Variants in FAM91A1 observed in about 807,000 individuals in gnomAD.
FAM91A1 encodes family with sequence similarity 91 member A1, also known as protein FAM91A1.
Under a neutral mutation model 113.5 loss-of-function variants are expected in FAM91A1, and 41 were observed. The ratio of observed to expected loss-of-function variants is 0.36; its 90% CI spans 0.28 to 0.47. The LOEUF (loss-of-function observed/expected upper bound fraction) is 0.47. FAM91A1 is among the 20% of genes least tolerant of loss of function. FAM91A1 has a pLI of 1.00. For missense variants in FAM91A1, 696 were observed against 1,001.2 expected (o/e 0.70, Z 4.11); for synonymous variants, 307 against 347.9 (o/e 0.88, Z 1.31).
At chr8:123,791,634 A>G (rs1042028466) in intron 15 of FAM91A1, among the ~76,000 whole-genome samples, 3 of 152,144 alleles carry the variant, frequency 2.0e-5, no homozygotes, top group African/African-American at 7.2e-5. Context: ...ATGAAATTTC[A>G]TTTTTGCTAC....
At chr8:123,803,649 A>C (rs895494554) in intron 18 of FAM91A1, among the ~76,000 whole-genome samples, 1 of 152,216 alleles carries the variant, frequency 6.6e-6, no homozygotes, top group South Asian at 2.1e-4. Flanking sequence ...TGCTTTTGCT[A>C]AAGAAAAATG....
chr8:123,798,970 A>C (rs558194771), intron 16 of FAM91A1, among the ~76,000 whole-genome samples: 2 of 152,318 alleles, frequency 1.3e-5, no homozygotes, highest in Non-Finnish European at 2.9e-5. Flanking sequence ...TTCTCTGTGC[A>C]CACCACCGAA....
intron 6 of FAM91A1, among the ~76,000 whole-genome samples, 154 bp downstream of exon 6, chr8:123,778,926 A>G (rs539904858): frequency 1.4e-4 from 22 of 152,316 alleles, no homozygotes; most frequent in African/African-American, 5.3e-4. Flanking sequence ...GTAGACTAGA[A>G]TATTGGTGAG....
chr8:123,780,376 CA>C (rs1815089285), intron 7 of FAM91A1, 103 bp from the exon 8 acceptor site: 16 of 872,130 alleles, frequency 1.8e-5, no homozygotes, highest in African/African-American at 1.7e-4. Context: ...CGTCACATAG[CA>C]TTCATTTGTA....
At position 123,808,948 on chromosome 8, in the gene FAM91A1, G is replaced by C. The variant is rs778573586; in HGVS notation, c.2193G>C (p.Leu731=). The C allele has an allele frequency of 3.1e-6, 5 of 1,612,830 alleles. No homozygotes were observed. Among genetic ancestry groups the C allele is most frequent in the Admixed American group, 1.7e-5 (1 of 59,968 alleles). The part of the protein sequence containing the change: ...VPLELCFGIP[L]FSSELNRKVC... ...TCGAGCTGTGCTTTGGAATTCCACTGTTCAGTTCCGAATTAAACCGGAAAG... is the reference window on the plus strand; with the variant it reads ...TCGAGCTGTGCTTTGGAATTCCACTCTTCAGTTCCGAATTAAACCGGAAAG... The change falls in exon 22 of 24, where the codon CTG becomes CTC. Residue 731 remains leucine, a synonymous_variant. Coordinates refer to ENST00000334705, the MANE Select transcript of FAM91A1 (RefSeq NM_144963.4).
rs963676871 is a variant in FAM91A1, at chr8:123,813,958, G to A, written c.*1254G>A. On this transcript the variant is annotated 3_prime_UTR_variant, in exon 24 of 24. Transcript: ENST00000334705. ...GGAATGTTATAACCTAAACGTTTTT[G>A]CTGGTAACTTTTTGTTATTTATAGA... The A allele has an allele frequency of 3.6e-5, 8 of 224,282 alleles. No individual in the cohort carries two copies. Among genetic ancestry groups the A allele is most frequent in the Non-Finnish European group, 7.1e-5 (8 of 112,684 alleles). 13.9% of individuals were successfully genotyped at this position (224,282 alleles called of 1,614,324 possible). A position where few individuals can be genotyped will look rare whatever the true frequency, so the allele number is the denominator to read the frequency against.
chr8:123,787,494 G>A (rs1815287871), intron 13 of FAM91A1, 121 bp downstream of exon 13: 6 of 1,001,208 alleles, frequency 6.0e-6, no homozygotes, highest in Non-Finnish European at 8.8e-6. Context: ...AACTGACTTA[G>A]AGGAGTATAA....
At position 123,813,189 on chromosome 8, in the gene FAM91A1, G is replaced by A. The variant is rs942430015; in HGVS notation, c.*485G>A. On this transcript the variant is annotated 3_prime_UTR_variant, in exon 24 of 24. Coordinates refer to ENST00000334705, the MANE Select transcript of FAM91A1 (RefSeq NM_144963.4). ...AAACAATAAACATCCAGTATTGAGAGATGATATGATAGGGCATTATGAATT... is the reference window on the plus strand; with the variant it reads ...AAACAATAAACATCCAGTATTGAGAAATGATATGATAGGGCATTATGAATT... 1 of 152,704 alleles carries A rather than the reference G, an allele frequency of 6.5e-6. No homozygotes were observed. Among genetic ancestry groups the A allele is most frequent in the African/African-American group, 2.4e-5 (1 of 41,450 alleles). The allele number at this position is 152,704 out of a possible 1,614,324, so 9.5% of individuals were successfully genotyped here. A position where few individuals can be genotyped will look rare whatever the true frequency, so the allele number is the denominator to read the frequency against.
chr8:123,785,850 C>A, intron 11 of FAM91A1, 109 bp downstream of exon 11: 1 of 662,464 alleles, frequency 1.5e-6, no homozygotes, highest in Non-Finnish European at 2.4e-6. Context: ...CAAAGTCTCT[C>A]TCTGTCATCC....
intron 1 of FAM91A1, among the ~76,000 whole-genome samples, chr8:123,770,404 A>G (rs1814812031): frequency 6.6e-6 from 1 of 152,254 alleles, no homozygotes; most frequent in Non-Finnish European, 1.5e-5. Flanking sequence ...GATAAATTTA[A>G]AGAACTTGAA....
intron 18 of FAM91A1, among the ~76,000 whole-genome samples, chr8:123,801,444 G>A (rs1350486618): frequency 6.6e-6 from 1 of 152,214 alleles, no homozygotes; most frequent in Non-Finnish European, 1.5e-5. Flanking sequence ...CGTGTCAAAT[G>A]TGTAGCACAC....
chr8:123,807,480 C>CAAAA lies in FAM91A1; in HGVS notation c.2033-773_2033-770dup, dbSNP rs546080328. ...GCAATAGAGCAAGACCCTGTCTCTA[C>CAAAA]AAAAAAAAAAAAAAAAAAAAAAGAA... On this transcript the variant is annotated intron_variant, in intron 20 of 23. Coordinates refer to ENST00000334705, the MANE Select transcript of FAM91A1 (RefSeq NM_144963.4). 2.7e-3 allele frequency among the ~76,000 whole-genome samples: 157 copies of CAAAA among 57,646 alleles called. 1 individual carries two copies. Among genetic ancestry groups the CAAAA allele is most frequent in the Middle Eastern group, 0.013 (1 of 76 alleles). The allele number at this position is 57,646 out of a possible 152,430, so 37.8% of individuals were successfully genotyped here. A position where few individuals can be genotyped will look rare whatever the true frequency, so the allele number is the denominator to read the frequency against.
rs2130180053 is a variant in FAM91A1 at position 123,815,085 on chromosome 8, C to T, written c.*2381C>T. The T allele has an allele frequency of 6.6e-6, 1 of 152,612 alleles. No homozygotes were observed. The highest frequency in any genetic ancestry group is 1.9e-4 in the East Asian group (1 of 5,184). 9.5% of individuals were successfully genotyped at this position (152,612 alleles called of 1,614,324 possible). The stretch of plus-strand genomic sequence containing the variant: ...GAATTTAATATTGATACAATTTCAC[C>T]TCTAAAATGGATTTGAAGAAATGCA... On this transcript the variant is annotated 3_prime_UTR_variant, in exon 24 of 24. Transcript: ENST00000334705.
At chr8:123,787,566 A>C in intron 13 of FAM91A1, 98 bp from the exon 14 acceptor site, 1 of 1,135,054 alleles carries the variant, frequency 8.8e-7, no homozygotes. Context: ...CCAATCCTTA[A>C]GTTTAAATAT....
chr8:123,768,968 G>T (rs1473312743), intron 1 of FAM91A1, among the ~76,000 whole-genome samples, 194 bp downstream of exon 1: 2 of 152,258 alleles, frequency 1.3e-5, no homozygotes, highest in Non-Finnish European at 2.9e-5. Context: ...GCCAGGACGG[G>T]GCGATCGCTA....
chr8:123,802,704 G>C (rs925341069), intron 18 of FAM91A1, among the ~76,000 whole-genome samples: 1 of 152,164 alleles, frequency 6.6e-6, no homozygotes, highest in Admixed American at 6.5e-5. Flanking sequence ...TATAGTATGG[G>C]GTGGTCGTGG....
At chr8:123,788,170 T>C (rs1370848658) in intron 14 of FAM91A1, 9 of 983,862 alleles carry the variant, frequency 9.1e-6, no homozygotes, top group Non-Finnish European at 1.1e-5. Context: ...CTGGGTATCA[T>C]ATTTATGTCC....
At chr8:123,780,357 T>C (rs1054379264) in intron 7 of FAM91A1, 123 bp from the exon 8 acceptor site, 28 of 817,984 alleles carry the variant, frequency 3.4e-5, no homozygotes, top group East Asian at 3.1e-4. Flanking sequence ...TCTATTTTAC[T>C]TTTTCTTTCG....
Position 123,789,620 on chromosome 8 carries a change from G to A in FAM91A1, c.1286G>A (p.Ser429Asn), listed in dbSNP as rs1391676785. The stretch of plus-strand genomic sequence containing the variant: ...TATTTTCTCTTGGTTTAGGTTCAGA[G>A]CACTGGTGAAGGAGAAGCACAGAGA... ...SFLIELEKVQ[S>N]TGEGEAQRYF... Residue 429 changes from serine to asparagine, a missense_variant, in exon 15 of 24, where the codon AGC (serine) becomes AAC (asparagine). By Grantham distance (46) the Ser-to-Asn change is conservative (BLOSUM62 1). Transcript: ENST00000334705. 6.2e-7 allele frequency: 1 copy of A among 1,611,662 alleles called. No individual in the cohort carries two copies. Among genetic ancestry groups the A allele is most frequent in the South Asian group, 1.1e-5 (1 of 90,946 alleles).
Sources: gnomAD v4.1 joint callset for allele counts (sites outside exome capture counted in the v4.1 genomes callset) on GRCh38, gnomAD v4.1.1 for gene constraint, MANE v1.5 for transcripts, NCBI Gene and HGNC (gene_info 2026-07-23, HGNC 2026-07-21) for gene names.